GRID2: variants seen among roughly 807,000 people sequenced by gnomAD.
The protein encoded by GRID2 is glutamate ionotropic receptor delta type subunit 2, also known as glutamate receptor ionotropic, delta-2.
In GRID2, 33 loss-of-function variants were observed where a neutral mutation model predicts 114.8. The observed-to-expected ratio is 0.29, with a 90% CI of 0.22 to 0.38. The LOEUF (loss-of-function observed/expected upper bound fraction) is 0.38. Among genes scored for constraint, GRID2 ranks in the 10% least tolerant of loss-of-function variants. The pLI is 1.00. For synonymous variants in GRID2, 505 were observed against 449.9 expected (o/e 1.12, Z -1.55); for missense variants, 1,184 against 1,257.7 (o/e 0.94, Z 0.89).
chr4:93,327,705 A>G (rs964523934), intron 8 of GRID2, among the ~76,000 whole-genome samples: 2 of 149,854 alleles, frequency 1.3e-5, no homozygotes, highest in Admixed American at 1.3e-4. Context: ...ACATGGACAT[A>G]GTGTGGAAAG....
chr4:93,603,357 C>CT, intron 13 of GRID2, among the ~76,000 whole-genome samples: 1 of 152,280 alleles, frequency 6.6e-6, no homozygotes, highest in Non-Finnish European at 1.5e-5. Flanking sequence ...AAGGCCCTAA[C>CT]TTTTTTCAAT....
chr4:92,634,114 C>CAAA (rs748692047), intron 2 of GRID2, among the ~76,000 whole-genome samples: 5,864 of 134,030 alleles, frequency 0.044, 132 homozygotes, highest in East Asian at 0.085. Flanking sequence ...ACAAAAATTG[C>CAAA]AAAAAAAAAA....
intron 2 of GRID2, among the ~76,000 whole-genome samples, chr4:93,057,544 TA>T (rs1487269631): frequency 2.0e-5 from 3 of 151,512 alleles, no homozygotes; most frequent in Non-Finnish European, 4.4e-5. Flanking sequence ...CCAGGAAAAA[TA>T]AAAAAGACAT....
At chr4:92,503,012 A>C (rs1723765690) in intron 1 of GRID2, among the ~76,000 whole-genome samples, 2 of 152,004 alleles carry the variant, frequency 1.3e-5, no homozygotes, top group Non-Finnish European at 2.9e-5. Context: ...TATGATTTTC[A>C]AAAGCAAAGA....
chr4:92,919,646 A>G (rs958901692), intron 2 of GRID2, among the ~76,000 whole-genome samples: 8 of 152,100 alleles, frequency 5.3e-5, no homozygotes, highest in African/African-American at 1.9e-4. Flanking sequence ...TTCAATTTCC[A>G]TGTAGTTGAG....
intron 2 of GRID2, among the ~76,000 whole-genome samples, chr4:93,042,621 C>CTA (rs1356074509): frequency 2.0e-4 from 26 of 131,954 alleles, no homozygotes; most frequent in South Asian, 7.9e-4. Context: ...CTCTCTCTCT[C>CTA]TCTCTATATA....
chr4:92,360,225 C>G lies in GRID2; in HGVS notation c.88+55481C>G, dbSNP rs557735926. 5.3e-5 allele frequency among the ~76,000 whole-genome samples: 8 copies of G among 152,036 alleles called. No individual in the cohort carries two copies. The East Asian group carries it at 1.6e-3, about 30-fold the overall frequency. On this transcript the variant is annotated intron_variant, in intron 1 of 15. Coordinates refer to ENST00000282020, the MANE Select transcript of GRID2 (RefSeq NM_001510.4). ...AATCTTTATTCTGGCTCAAGCTTCT[C>G]TTTTTAATCTCATACTATTCCAAGA...
intron 4 of GRID2, among the ~76,000 whole-genome samples, chr4:93,129,839 G>A: frequency 6.6e-6 from 1 of 152,048 alleles, no homozygotes; most frequent in East Asian, 1.9e-4. Flanking sequence ...AACAAATTTG[G>A]GGTGTTCCAT....
intron 13 of GRID2, among the ~76,000 whole-genome samples, chr4:93,584,058 G>A (rs946395339): frequency 1.1e-4 from 16 of 152,180 alleles, no homozygotes; most frequent in African/African-American, 3.4e-4. Flanking sequence ...TTAGGGTTCC[G>A]GTCTTAGATC....
chr4:93,031,032 A>ATTTTT (rs576187018), intron 2 of GRID2, among the ~76,000 whole-genome samples: 2 of 106,210 alleles, frequency 1.9e-5, no homozygotes, highest in African/African-American at 8.2e-5. Flanking sequence ...TCCAATCTCC[A>ATTTTT]TTTTTTTTTT....
intron 2 of GRID2, among the ~76,000 whole-genome samples, chr4:92,815,491 T>C (rs1425830982): frequency 2.0e-5 from 3 of 152,156 alleles, no homozygotes; most frequent in African/African-American, 7.2e-5. Flanking sequence ...TGCCACACAT[T>C]GATTTTCCTA....
At chr4:93,022,083 T>A (rs892633940) in intron 2 of GRID2, among the ~76,000 whole-genome samples, 1 of 151,598 alleles carries the variant, frequency 6.6e-6, no homozygotes, top group Non-Finnish European at 1.5e-5. Context: ...AAACTCTTAT[T>A]CTTGAATCTA....
chr4:93,772,730 TTCCCCAAGAAGGTAGTGTACTAGGA>T lies in GRID2; in HGVS notation c.*236_*260del. ...CCACTTTTTTTCATTACTCAACTTG[TTCCCCAAGAAGGTAGTGTACTAGGA>T]TCCTATTAGTCTGCTTTTCATATAC... On this transcript the variant is annotated 3_prime_UTR_variant, in exon 16 of 16. Transcript: ENST00000282020. 1 of 505,462 alleles carries T rather than the reference TTCCCCAAGAAGGTAGTGTACTAGGA, an allele frequency of 2.0e-6. No homozygotes were observed. The highest frequency in any genetic ancestry group is 3.5e-6 in the Non-Finnish European group (1 of 288,010). 31.3% of individuals were successfully genotyped at this position (505,462 alleles called of 1,614,324 possible). A position where few individuals can be genotyped will look rare whatever the true frequency, so the allele number is the denominator to read the frequency against.
At chr4:92,730,441 C>T (rs1035485266) in intron 2 of GRID2, among the ~76,000 whole-genome samples, 1 of 151,922 alleles carries the variant, frequency 6.6e-6, no homozygotes, top group Admixed American at 6.6e-5. Flanking sequence ...TCATCTTCCA[C>T]TTAGATTAGG....
intron 13 of GRID2, among the ~76,000 whole-genome samples, chr4:93,519,939 C>A (rs559280066): frequency 6.6e-6 from 1 of 152,132 alleles, no homozygotes; most frequent in African/African-American, 2.4e-5. Context: ...AACCAAGCCA[C>A]TGGACTTCAG....
At chr4:92,399,105 C>T (rs1002974894) in intron 1 of GRID2, among the ~76,000 whole-genome samples, 1 of 152,168 alleles carries the variant, frequency 6.6e-6, no homozygotes, top group Non-Finnish European at 1.5e-5. Context: ...TGAAAACACA[C>T]ATGGTAAGTA....
intron 11 of GRID2, among the ~76,000 whole-genome samples, chr4:93,483,464 G>A (rs763943920): frequency 4.0e-5 from 6 of 151,844 alleles, no homozygotes; most frequent in Non-Finnish European, 5.9e-5. Context: ...AAACCTATAA[G>A]AAGTGGATTT....
chr4:92,709,166 T>C (rs1287819365), intron 2 of GRID2, among the ~76,000 whole-genome samples: 1 of 152,160 alleles, frequency 6.6e-6, no homozygotes, highest in East Asian at 1.9e-4. Flanking sequence ...TTTTGAATTT[T>C]CTCTCACATA....
chr4:93,437,877 CT>C (rs1721248847), intron 10 of GRID2, among the ~76,000 whole-genome samples: 1 of 152,084 alleles, frequency 6.6e-6, no homozygotes, highest in African/African-American at 2.4e-5. Context: ...TATTCCACTT[CT>C]TTTCAAATTA....
Sources: allele counts gnomAD v4.1 joint callset (sites outside exome capture counted in the v4.1 genomes callset), GRCh38; gene constraint gnomAD v4.1.1; transcripts MANE v1.5; gene names NCBI Gene and HGNC (gene_info 2026-07-23, HGNC 2026-07-21).